RUNX1: variants seen among roughly 807,000 people sequenced by gnomAD.
The protein encoded by RUNX1 is RUNX family transcription factor 1, also known as runt-related transcription factor 1.
A neutral mutation model predicts 42.8 loss-of-function variants in RUNX1; 19 were observed. The ratio of observed to expected loss-of-function variants is 0.44; its 90% CI spans 0.31 to 0.65. The LOEUF is 0.65. RUNX1 is among the 30% of genes least tolerant of loss of function. RUNX1 has a pLI of 0.07. For synonymous variants in RUNX1, 271 were observed against 289.4 expected (o/e 0.94, Z 0.64); for missense variants, 528 against 672.0 (o/e 0.79, Z 2.37).
chr21:35,040,739 C>A (rs1386396078), intron 2 of RUNX1, among the ~76,000 whole-genome samples: 3 of 145,670 alleles, frequency 2.1e-5, no homozygotes, highest in Non-Finnish European at 4.5e-5. Context: ...CCACTGCACT[C>A]CAGCCTGGTG....
intron 2 of RUNX1, among the ~76,000 whole-genome samples, chr21:34,913,500 C>T (rs1200204282): frequency 6.6e-6 from 1 of 152,194 alleles, no homozygotes; most frequent in African/African-American, 2.4e-5. Flanking sequence ...GCATCTGCAG[C>T]CTTCTGCGTC....
Position 35,049,197 on chromosome 21 carries a change from A to T in RUNX1, c.-89T>A. ...CTGCGAAACCCTGTGGTTTGCATTC[A>T]GTGTGATTCGTCCTGCCTGCTGACC... On this transcript the variant is annotated 5_prime_UTR_variant, in exon 1 of 9. Coordinates refer to ENST00000675419, the MANE Select transcript of RUNX1 (RefSeq NM_001754.5). 2.3e-6 allele frequency: 1 copy of T among 427,750 alleles called. No individual in the cohort carries two copies. The highest frequency in any genetic ancestry group is 4.3e-6 in the Non-Finnish European group (1 of 232,382). 26.5% of individuals were successfully genotyped at this position (427,750 alleles called of 1,614,324 possible). A position where few individuals can be genotyped will look rare whatever the true frequency, so the allele number is the denominator to read the frequency against.
intron 2 of RUNX1, among the ~76,000 whole-genome samples, chr21:34,893,783 TAAAA>T (rs545585960): frequency 6.7e-6 from 1 of 149,008 alleles, no homozygotes; most frequent in South Asian, 2.1e-4. Flanking sequence ...TTTTTTTTTT[TAAAA>T]AAAAACCTTT....
intron 7 of RUNX1, among the ~76,000 whole-genome samples, chr21:34,814,558 C>G (rs559289100): frequency 3.1e-4 from 47 of 152,332 alleles, no homozygotes; most frequent in African/African-American, 1.1e-3. Flanking sequence ...CACAGGCTCG[C>G]TCTCCTCCAG....
intron 2 of RUNX1, among the ~76,000 whole-genome samples, chr21:34,969,067 A>G (rs766993082): frequency 3.3e-5 from 5 of 152,184 alleles, no homozygotes; most frequent in Admixed American, 6.5e-5. Flanking sequence ...GAGGAAGTTC[A>G]GTTTTCATTT....
chr21:34,870,010 C>T (rs538811847), intron 5 of RUNX1, among the ~76,000 whole-genome samples: 1 of 152,264 alleles, frequency 6.6e-6, no homozygotes, highest in South Asian at 2.1e-4. Flanking sequence ...AAAAGCAGTG[C>T]TTCAAATTAC....
chr21:35,042,139 A>C (rs577566356), intron 2 of RUNX1, among the ~76,000 whole-genome samples: 1 of 152,292 alleles, frequency 6.6e-6, no homozygotes, highest in African/African-American at 2.4e-5. Context: ...GGAGACGCTC[A>C]AGTGTGATTT....
At chr21:35,032,284 A>G (rs919390720) in intron 2 of RUNX1, among the ~76,000 whole-genome samples, 1 of 152,200 alleles carries the variant, frequency 6.6e-6, no homozygotes, top group Non-Finnish European at 1.5e-5. Context: ...GACCTTCCTG[A>G]AGTGTCGCTG....
intron 2 of RUNX1, among the ~76,000 whole-genome samples, chr21:34,995,856 T>TCTCTGTCTCTC (rs1491129101): frequency 6.6e-6 from 1 of 152,182 alleles, no homozygotes; most frequent in Non-Finnish European, 1.5e-5. Flanking sequence ...TTAATTATTT[T>TCTCTGTCTCTC]CTCTGTCTCT....
intron 2 of RUNX1, among the ~76,000 whole-genome samples, chr21:34,947,591 T>C (rs1023260481): frequency 3.9e-5 from 6 of 152,252 alleles, no homozygotes; most frequent in Non-Finnish European, 8.8e-5. Flanking sequence ...GATGTGTTCA[T>C]AAACATGTCC....
chr21:34,970,500 A>G (rs2058755996), intron 2 of RUNX1, among the ~76,000 whole-genome samples: 1 of 152,226 alleles, frequency 6.6e-6, no homozygotes, highest in Non-Finnish European at 1.5e-5. Context: ...CTGGGGTTTT[A>G]AGATTGGCCT....
intron 4 of RUNX1, among the ~76,000 whole-genome samples, chr21:34,884,507 A>T (rs1466960601): frequency 6.6e-6 from 1 of 152,190 alleles, no homozygotes; most frequent in African/African-American, 2.4e-5. Context: ...TAAGATCCAA[A>T]TTTTAAAGTA....
intron 2 of RUNX1, among the ~76,000 whole-genome samples, chr21:35,001,265 A>G (rs1220635310): frequency 6.8e-6 from 1 of 148,032 alleles, no homozygotes; most frequent in Non-Finnish European, 1.5e-5. Flanking sequence ...CAAATGTACA[A>G]TTCAATAAGT....
At chr21:35,034,141 C>T (rs116077736) in intron 2 of RUNX1, among the ~76,000 whole-genome samples, 371 of 152,320 alleles carry the variant, frequency 2.4e-3, no homozygotes, top group African/African-American at 8.4e-3. Flanking sequence ...TGCCATTTCC[C>T]AGCTGTGTGA....
chr21:35,017,456 C>T (rs2059167536), intron 2 of RUNX1, among the ~76,000 whole-genome samples: 1 of 152,112 alleles, frequency 6.6e-6, no homozygotes, highest in Admixed American at 6.5e-5. Flanking sequence ...GGATCAGGCT[C>T]ATTTTACACA....
At chr21:34,986,280 A>T (rs1288968584) in intron 2 of RUNX1, among the ~76,000 whole-genome samples, 1 of 151,820 alleles carries the variant, frequency 6.6e-6, no homozygotes, top group Non-Finnish European at 1.5e-5. Flanking sequence ...ACTGGGTCCT[A>T]TGTCAAAGGC....
Position 34,928,648 on chromosome 21 carries a change from C to G in RUNX1, c.59-35685G>C, listed in dbSNP as rs149744130. Among the ~76,000 whole-genome samples the G allele has an allele frequency of 1.8e-3, 278 of 151,210 alleles. No individual in the cohort carries two copies. The Middle Eastern group carries it at 0.034, about 19-fold the overall frequency. ...TGAGCCAAGATCGCGCCACTGCACT[C>G]CAGCCTGGGCGACAGAGTGCGACTC... On this transcript the variant is annotated intron_variant, in intron 2 of 8. Transcript: ENST00000675419.
At chr21:34,976,877 A>G (rs2058806084) in intron 2 of RUNX1, among the ~76,000 whole-genome samples, 1 of 152,240 alleles carries the variant, frequency 6.6e-6, no homozygotes, top group Non-Finnish European at 1.5e-5. Flanking sequence ...AAAAAATGCT[A>G]GAGGTGGATC....
chr21:34,948,169 T>A (rs2058579505), intron 2 of RUNX1, among the ~76,000 whole-genome samples: 1 of 152,158 alleles, frequency 6.6e-6, no homozygotes, highest in African/African-American at 2.4e-5. Context: ...GTAAATATTT[T>A]TTAAAAAATC....
Sources: gnomAD v4.1 joint callset for allele counts (sites outside exome capture counted in the v4.1 genomes callset) on GRCh38, gnomAD v4.1.1 for gene constraint, MANE v1.5 for transcripts, NCBI Gene and HGNC (gene_info 2026-07-23, HGNC 2026-07-21) for gene names.